Variants in USP15 observed in about 807,000 individuals in gnomAD.
USP15 encodes the protein ubiquitin specific peptidase 15, also known as ubiquitin carboxyl-terminal hydrolase 15.
Under a neutral mutation model 127.1 loss-of-function variants are expected in USP15, and 18 were observed. The ratio of observed to expected loss-of-function variants is 0.14; its 90% confidence interval spans 0.10 to 0.21. USP15 has a LOEUF of 0.21. USP15 is among the 10% of genes least tolerant of loss of function. The pLI is 1.00. For synonymous variants in USP15, 364 were observed against 393.7 expected, an observed-to-expected ratio of 0.92 and a Z score of 0.89; for missense variants, 805 against 1,159.9, an observed-to-expected ratio of 0.69 and a Z score of 4.44.
chr12:62,365,843 G>A lies in USP15; in HGVS notation c.915+10368G>A, dbSNP rs183261789. Among the ~76,000 whole-genome samples, 428 of 152,294 alleles carry A rather than the reference G, an allele frequency of 2.8e-3. 1 individual carries two copies. The highest frequency in any genetic ancestry group is 9.7e-3 in the East Asian group (50 of 5,178). ...CCCGTTGCTTGTTTGTGTCAGGTTT[G>A]TCAAAGATCAGATTGATGTAAATGT... On this transcript the variant is annotated intron_variant, in intron 8 of 21. Coordinates refer to ENST00000280377, the MANE Select transcript of USP15 (RefSeq NM_001252078.2).
Position 62,408,509 on chromosome 12 carries a change from ATAAGAG to A in USP15, c.*4137_*4142del, listed in dbSNP as rs2067947957. ...AAGAGCTCCTTTCTAGGGCCATAGA[ATAAGAG>A]TAGAAGTTTTTGCTCATTTTTTTTG... On this transcript the variant is annotated 3_prime_UTR_variant, in exon 22 of 22. Coordinates refer to ENST00000280377, the MANE Select transcript of USP15 (RefSeq NM_001252078.2). 1.3e-5 allele frequency: 2 copies of A among 152,168 alleles called. No homozygotes were observed. Among genetic ancestry groups the A allele is most frequent in the Non-Finnish European group, 2.9e-5 (2 of 68,014 alleles). 9.4% of individuals were successfully genotyped at this position (152,168 alleles called of 1,614,324 possible).
intron 6 of USP15, among the ~76,000 whole-genome samples, chr12:62,340,668 A>G (rs1025145738): frequency 2.6e-5 from 4 of 152,002 alleles, no homozygotes; most frequent in South Asian, 2.1e-4. Flanking sequence ...AGGTTCTTCA[A>G]TTTCCATGTA....
chr12:62,347,364 CTG>C (rs144405964), intron 6 of USP15, among the ~76,000 whole-genome samples: 33,404 of 150,332 alleles, frequency 0.22, 4,042 homozygotes, highest in African/African-American at 0.33. Flanking sequence ...AGTGTATACA[CTG>C]TGCATATATA....
chr12:62,290,692 T>G (rs969916539), intron 1 of USP15, among the ~76,000 whole-genome samples: 1 of 152,192 alleles, frequency 6.6e-6, no homozygotes, highest in African/African-American at 2.4e-5. Flanking sequence ...TTGGTGTAAT[T>G]ATTTTACAAG....
intron 8 of USP15, among the ~76,000 whole-genome samples, chr12:62,362,359 A>G (rs2066345566): frequency 1.3e-5 from 2 of 152,096 alleles, no homozygotes; most frequent in South Asian, 4.1e-4. Flanking sequence ...ATTGGCCCCC[A>G]TAATACAAGA....
chr12:62,404,436 G>A lies in USP15; in HGVS notation c.*61G>A. The A allele has an allele frequency of 1.4e-6, 2 of 1,462,048 alleles. No individual in the cohort carries two copies. Among genetic ancestry groups the A allele is most frequent in the Non-Finnish European group, 1.8e-6 (2 of 1,103,398 alleles). 90.6% of individuals were successfully genotyped at this position (1,462,048 alleles called of 1,614,324 possible). A position where few individuals can be genotyped will look rare whatever the true frequency, so the allele number is the denominator to read the frequency against. The stretch of plus-strand genomic sequence containing the variant: ...TGCTGGTGGTATCTATGGAAATGAT[G>A]AAGTTACCCACCACATTAAAACAAA... On this transcript the variant is annotated 3_prime_UTR_variant, in exon 22 of 22. Transcript: ENST00000280377.
intron 6 of USP15, among the ~76,000 whole-genome samples, chr12:62,340,620 C>T (rs2065617419): frequency 6.6e-6 from 1 of 152,264 alleles, no homozygotes; most frequent in Middle Eastern, 3.4e-3. Flanking sequence ...TTTATTTCTG[C>T]CTTCATTTTG....
intron 8 of USP15, 80 bp downstream of exon 8, chr12:62,355,555 C>A: frequency 7.0e-7 from 1 of 1,433,912 alleles, no homozygotes. Flanking sequence ...TTTTTCATGC[C>A]AGAACATGAG....
chr12:62,332,608 T>C (rs1253916176), intron 6 of USP15, among the ~76,000 whole-genome samples: 3 of 152,188 alleles, frequency 2.0e-5, no homozygotes, highest in Non-Finnish European at 4.4e-5. Flanking sequence ...AAAAGATATG[T>C]GCTTAAGTAT....
rs2063082417 is a variant in USP15, at chr12:62,262,101, A to G, written c.89+1598A>G. On this transcript the variant is annotated intron_variant, in intron 1 of 21. Transcript: ENST00000280377. ...AAAAATACAAAAAAATTAGCTGGGC[A>G]TGGTGGCACGCCTGTGGTCCCAGCT... Among the ~76,000 whole-genome samples the G allele has an allele frequency of 2.0e-5, 3 of 152,018 alleles. No homozygotes were observed. The South Asian group carries it at 6.2e-4, about 31-fold the overall frequency.
intron 8 of USP15, among the ~76,000 whole-genome samples, chr12:62,368,851 T>C (rs1350425532): frequency 6.6e-6 from 1 of 152,220 alleles, no homozygotes; most frequent in African/African-American, 2.4e-5. Context: ...GTCATTACGA[T>C]AGTAACTGGT....
At chr12:62,381,413 C>A in intron 8 of USP15, 77 bp from the exon 9 acceptor site, 1 of 1,259,128 alleles carries the variant, frequency 7.9e-7, no homozygotes, top group Non-Finnish European at 1.1e-6. Flanking sequence ...CAATTTGTTT[C>A]TCTCTTCATA....
At chr12:62,354,843 C>T (rs1405510309) in intron 7 of USP15, among the ~76,000 whole-genome samples, 1 of 151,940 alleles carries the variant, frequency 6.6e-6, no homozygotes, top group African/African-American at 2.4e-5. Context: ...ATCTTCAGTG[C>T]ATCATAACAG....
intron 4 of USP15, among the ~76,000 whole-genome samples, chr12:62,316,958 A>G (rs779382107): frequency 6.6e-6 from 1 of 152,150 alleles, no homozygotes; most frequent in Admixed American, 6.5e-5. Context: ...ATTATATATG[A>G]ACCCAATTTT....
intron 2 of USP15, among the ~76,000 whole-genome samples, chr12:62,295,583 C>G (rs139880410): frequency 2.0e-4 from 30 of 152,234 alleles, no homozygotes; most frequent in Non-Finnish European, 4.1e-4. Flanking sequence ...AAATCTCCCC[C>G]ACAAGACATG....
intron 1 of USP15, among the ~76,000 whole-genome samples, chr12:62,280,620 T>C (rs186739904): frequency 6.6e-6 from 1 of 152,298 alleles, no homozygotes; most frequent in East Asian, 1.9e-4. Flanking sequence ...TATGATCTAA[T>C]CACCTCCTAA....
At chr12:62,265,929 A>G (rs7298827) in intron 1 of USP15, among the ~76,000 whole-genome samples, 34,092 of 152,098 alleles carry the variant, frequency 0.22, 4,158 homozygotes, top group African/African-American at 0.34. Flanking sequence ...TTTTCTTTTT[A>G]AAGGAAGTCT....
At chr12:62,372,664 G>T (rs2066712474) in intron 8 of USP15, among the ~76,000 whole-genome samples, 1 of 151,988 alleles carries the variant, frequency 6.6e-6, no homozygotes, top group Admixed American at 6.6e-5. Flanking sequence ...ATGTGCAAGG[G>T]ACTGAACACA....
At chr12:62,353,470 CGT>C (rs745633337) in intron 7 of USP15, among the ~76,000 whole-genome samples, 1 of 151,084 alleles carries the variant, frequency 6.6e-6, no homozygotes, top group Non-Finnish European at 1.5e-5. Context: ...AGTCTTTTCA[CGT>C]GTGTGTGTGT....
Sources: gnomAD v4.1 joint callset for allele counts (sites outside exome capture counted in the v4.1 genomes callset) on GRCh38, gnomAD v4.1.1 for gene constraint, MANE v1.5 for transcripts, NCBI Gene and HGNC (gene_info 2026-07-23, HGNC 2026-07-21) for gene names.